The following ZSCAN5A variants were observed in gnomAD, a reference collection of about 807,000 sequenced individuals.
The protein encoded by ZSCAN5A is zinc finger and SCAN domain containing 5A.
ZSCAN5A carries 12 observed loss-of-function variants against 23.7 expected under a neutral mutation model. The observed-to-expected ratio is 0.51, with a 90% CI of 0.32 to 0.82. The LOEUF is 0.82. ZSCAN5A is among the 40% of genes least tolerant of loss of function. The pLI, the probability that ZSCAN5A is intolerant of heterozygous loss-of-function variation, is 0.03. For synonymous variants in ZSCAN5A, 257 were observed against 239.9 expected (o/e 1.07, Z -0.66); for missense variants, 597 against 617.9 (o/e 0.97, Z 0.36).
intron 2 of ZSCAN5A, chr19:56,302,695 T>A: frequency 1.2e-5 from 2 of 164,280 alleles, no homozygotes. Flanking sequence ...TTCTCTCTCC[T>A]TCCTTCTCTT....
intron 2 of ZSCAN5A, chr19:56,283,028 T>C (rs2038828311): frequency 6.6e-6 from 1 of 152,236 alleles, no homozygotes. Flanking sequence ...AAGGCCCACA[T>C]TAGGCACCTT....
At chr19:56,236,819 G>C (rs1243902638) in intron 2 of ZSCAN5A, among the ~76,000 whole-genome samples, 13 of 148,686 alleles carry the variant, frequency 8.7e-5, no homozygotes, top group Non-Finnish European at 1.6e-4. Context: ...TGGACGGTGG[G>C]CCAAGCCTCC....
At chr19:56,264,686 G>C (rs1357507830) in intron 2 of ZSCAN5A, among the ~76,000 whole-genome samples, 1 of 152,194 alleles carries the variant, frequency 6.6e-6, no homozygotes, top group Non-Finnish European at 1.5e-5. Flanking sequence ...GTCTCTGGTG[G>C]CTTTCTCACT....
chr19:56,239,801 T>C (rs1342632822), intron 2 of ZSCAN5A, among the ~76,000 whole-genome samples: 1 of 149,298 alleles, frequency 6.7e-6, no homozygotes, highest in African/African-American at 2.4e-5. Context: ...CCAACAACTC[T>C]TAACATGTCC....
intron 2 of ZSCAN5A, among the ~76,000 whole-genome samples, chr19:56,278,391 C>T (rs1291004346): frequency 6.6e-6 from 1 of 152,166 alleles, no homozygotes; most frequent in Non-Finnish European, 1.5e-5. Flanking sequence ...ACCTCGGTCT[C>T]CCAAAGTGCT....
intron 2 of ZSCAN5A, chr19:56,244,148 C>T: frequency 6.2e-7 from 1 of 1,604,044 alleles, no homozygotes; most frequent in Non-Finnish European, 8.5e-7. Context: ...ACTTGGAAAT[C>T]ATGACTGGGA....
At chr19:56,263,618 A>G (rs938316597) in intron 2 of ZSCAN5A, 15 of 152,246 alleles carry the variant, frequency 9.9e-5, no homozygotes, top group Non-Finnish European at 2.2e-4. Context: ...CGCAATCAGA[A>G]CATCTTCCCA....
At chr19:56,359,827 CACA>C (rs974607712) in intron 2 of ZSCAN5A, among the ~76,000 whole-genome samples, 3 of 152,164 alleles carry the variant, frequency 2.0e-5, no homozygotes, top group African/African-American at 7.2e-5. Context: ...AGACAAAAAA[CACA>C]ACACTATCTT....
intron 2 of ZSCAN5A, among the ~76,000 whole-genome samples, chr19:56,265,094 C>T (rs2037380573): frequency 6.6e-6 from 1 of 151,928 alleles, no homozygotes; most frequent in Non-Finnish European, 1.5e-5. Context: ...TGCACTCCAG[C>T]CCGGGTGACA....
At chr19:56,255,100 A>G (rs1209959631) in intron 2 of ZSCAN5A, among the ~76,000 whole-genome samples, 8 of 152,104 alleles carry the variant, frequency 5.3e-5, no homozygotes, top group Non-Finnish European at 1.2e-4. Context: ...AGTGAGGTAC[A>G]GTAAATGGCA....
At chr19:56,282,388 G>A (rs1233591029) in intron 2 of ZSCAN5A, 3 of 674,192 alleles carry the variant, frequency 4.4e-6, no homozygotes, top group Non-Finnish European at 5.5e-6. Context: ...GAGGTACCAA[G>A]GATGACTTAA....
intron 2 of ZSCAN5A, chr19:56,321,547 C>T: frequency 2.7e-6 from 2 of 748,850 alleles, no homozygotes. Flanking sequence ...GGGTGTCTGT[C>T]TTCTTAAGCA....
chr19:56,239,742 T>C (rs1015912007), intron 2 of ZSCAN5A, among the ~76,000 whole-genome samples: 4 of 152,258 alleles, frequency 2.6e-5, no homozygotes, highest in Non-Finnish European at 2.9e-5. Flanking sequence ...GACATTAATA[T>C]GTGAAAGGCT....
intron 2 of ZSCAN5A, among the ~76,000 whole-genome samples, chr19:56,271,627 G>A (rs986368181): frequency 6.6e-6 from 1 of 152,172 alleles, no homozygotes; most frequent in Non-Finnish European, 1.5e-5. Flanking sequence ...ACATGAGATG[G>A]TCCAGCTTGT....
chr19:56,332,119 G>A (rs2041495285), intron 2 of ZSCAN5A, among the ~76,000 whole-genome samples: 1 of 152,126 alleles, frequency 6.6e-6, no homozygotes, highest in South Asian at 2.1e-4. Context: ...TCCATGTGCA[G>A]ATGAGAAGAA....
chr19:56,323,428 C>G (rs952296950), intron 2 of ZSCAN5A, among the ~76,000 whole-genome samples: 7 of 152,072 alleles, frequency 4.6e-5, no homozygotes, highest in Non-Finnish European at 7.3e-5. Context: ...TCTGCCTTGG[C>G]CTGCCAAAGT....
intron 1 of ZSCAN5A, chr19:56,363,482 A>G (rs1388956724): frequency 6.6e-6 from 1 of 152,220 alleles, no homozygotes; most frequent in Non-Finnish European, 1.5e-5. Context: ...ATGGGCAAAG[A>G]TTGGAAGAGT....
chr19:56,301,985 A>C, intron 2 of ZSCAN5A: 13 of 1,232,066 alleles, frequency 1.1e-5, no homozygotes, highest in Non-Finnish European at 1.1e-5. Flanking sequence ...CTTCTCAGGC[A>C]CCACCCCATC....
At chr19:56,231,079 G>A (rs1374905165) in intron 2 of ZSCAN5A, among the ~76,000 whole-genome samples, 1 of 152,162 alleles carries the variant, frequency 6.6e-6, no homozygotes, top group Non-Finnish European at 1.5e-5. Flanking sequence ...TGGGCATTAT[G>A]GTGCAAGCCT....
Sources: allele counts gnomAD v4.1 joint callset (sites outside exome capture counted in the v4.1 genomes callset), GRCh38; gene constraint gnomAD v4.1.1; transcripts MANE v1.5; gene names NCBI Gene and HGNC (gene_info 2026-07-23, HGNC 2026-07-21).